Variants in CSMD3 observed in about 807,000 individuals in gnomAD.
CSMD3 encodes the protein CUB and Sushi multiple domains 3.
Under a neutral mutation model 435.2 loss-of-function variants are expected in CSMD3, and 177 were observed. The observed-to-expected ratio is 0.41, with a 90% CI of 0.36 to 0.46. The LOEUF (loss-of-function observed/expected upper bound fraction) is 0.46, where lower values mean the gene tolerates loss of function less well. Ranked by LOEUF, CSMD3 falls within the 20% of genes least tolerant of loss-of-function variation. CSMD3 has a pLI of 0.34. For synonymous variants in CSMD3, 1,656 were observed against 1,520.5 expected (o/e 1.09, Z -2.07); for missense variants, 4,265 against 4,504.6 (o/e 0.95, Z 1.52).
intron 1 of CSMD3, among the ~76,000 whole-genome samples, chr8:113,422,654 A>G (rs2094614152): frequency 6.6e-6 from 1 of 152,118 alleles, no homozygotes; most frequent in Non-Finnish European, 1.5e-5. Context: ...GCTGGCTTGT[A>G]GATGTGAAAG....
chr8:112,695,734 C>A (rs566082265), intron 13 of CSMD3, among the ~76,000 whole-genome samples: 1 of 152,180 alleles, frequency 6.6e-6, no homozygotes, highest in African/African-American at 2.4e-5. Flanking sequence ...CTGGCCAGGG[C>A]AATCAGGCAG....
At chr8:112,408,234 G>C (rs577495667) in intron 34 of CSMD3, 84 bp downstream of exon 34, 19 of 928,674 alleles carry the variant, frequency 2.0e-5, no homozygotes, top group Non-Finnish European at 3.0e-5. Context: ...TTATCTAGAG[G>C]ATTTCATCAT....
Position 112,766,081 on chromosome 8 carries a change from T to C in CSMD3, c.1972+34081A>G, listed in dbSNP as rs555700344. 4.6e-5 allele frequency among the ~76,000 whole-genome samples: 7 copies of C among 151,808 alleles called. No individual in the cohort carries two copies. The East Asian group carries it at 7.8e-4, about 17-fold the overall frequency. On this transcript the variant is annotated intron_variant, in intron 13 of 70. Coordinates refer to ENST00000297405, the MANE Select transcript of CSMD3 (RefSeq NM_198123.2). ...GAAAAAATTTCTACAGGATCAATGA[T>C]TGTATTGAAGAAAAGGTCTCACTTC...
chr8:112,428,293 G>A (rs1035095660), intron 32 of CSMD3, among the ~76,000 whole-genome samples: 4 of 151,998 alleles, frequency 2.6e-5, no homozygotes, highest in African/African-American at 9.7e-5. Flanking sequence ...GTATACAAAT[G>A]TAAGTACAAA....
At chr8:112,465,722 C>T (rs572165948) in intron 32 of CSMD3, among the ~76,000 whole-genome samples, 20 of 152,094 alleles carry the variant, frequency 1.3e-4, no homozygotes, top group South Asian at 2.1e-4. Flanking sequence ...CACATGTAAT[C>T]CCAGCATGTT....
intron 36 of CSMD3, among the ~76,000 whole-genome samples, chr8:112,389,705 G>T (rs1440477367): frequency 6.6e-6 from 1 of 151,964 alleles, no homozygotes; most frequent in Non-Finnish European, 1.5e-5. Flanking sequence ...ACTCTTATAT[G>T]TCTCAAGTTT....
chr8:112,281,121 T>C, intron 59 of CSMD3, 53 bp downstream of exon 59: 1 of 1,295,222 alleles, frequency 7.7e-7, no homozygotes, highest in Non-Finnish European at 1.1e-6. Context: ...ACTTATATAC[T>C]CATCAATACT....
intron 13 of CSMD3, among the ~76,000 whole-genome samples, chr8:112,755,217 G>T (rs531695160): frequency 2.0e-5 from 3 of 152,092 alleles, no homozygotes; most frequent in African/African-American, 4.8e-5. Flanking sequence ...TGCAGTCCCA[G>T]CTACTCGGGA....
intron 1 of CSMD3, among the ~76,000 whole-genome samples, chr8:113,398,770 A>T (rs75132729): frequency 0.018 from 2,794 of 152,132 alleles, 101 homozygotes; most frequent in African/African-American, 0.062. Context: ...GGAATATAGA[A>T]CTCACTATTT....
chr8:112,270,361 T>TGTGTGTTAGGGGTGA (rs1817385368), intron 59 of CSMD3, among the ~76,000 whole-genome samples: 1 of 135,630 alleles, frequency 7.4e-6, no homozygotes, highest in South Asian at 2.2e-4. Flanking sequence ...TGTGTGTGTG[T>TGTGTGTTAGGGGTGA]GTGTGTGTGT....
At chr8:112,230,041 T>C (rs866462295) in intron 69 of CSMD3, among the ~76,000 whole-genome samples, 8 of 152,160 alleles carry the variant, frequency 5.3e-5, no homozygotes, top group South Asian at 4.1e-4. Context: ...GTATTCTACT[T>C]GAAGCTCAGT....
At position 112,234,447 on chromosome 8, in the gene CSMD3, A is replaced by C. The variant is rs758547740; in HGVS notation, c.10658T>G (p.Met3553Arg). 3 of 1,613,196 alleles carry C rather than the reference A, an allele frequency of 1.9e-6. No homozygotes were observed. The highest frequency in any genetic ancestry group is 2.2e-5 in the East Asian group (1 of 44,768). The change falls in exon 68 of 71, where the codon ATG becomes AGG. Residue 3553 changes from methionine (M) to arginine (R), a missense_variant. By Grantham distance (91) the Met-to-Arg change is moderately conservative. This residue lies in a region of CSMD3 where 3,255 missense variants were observed against 3,380.2 expected (regional missense o/e 0.96). Transcript: ENST00000297405. Reference protein sequence around the residue: ...GVYKSQEARLMLRIYLIKVPA... With the variant: ...GVYKSQEARLRLRIYLIKVPA... Reference sequence around the variant, plus strand: ...TACTTTAATAAGATATATGCGTAACATTAGGCGAGCTTCCTGGCTTTTATA... The same window carrying C: ...TACTTTAATAAGATATATGCGTAACCTTAGGCGAGCTTCCTGGCTTTTATA...
At chr8:112,976,281 A>C in intron 6 of CSMD3, 133 bp from the exon 7 acceptor site, 1 of 1,018,504 alleles carries the variant, frequency 9.8e-7, no homozygotes, top group Non-Finnish European at 1.5e-6. Context: ...AAACACAAAC[A>C]CGCGAGTAAA....
chr8:113,201,050 C>A (rs74384184), intron 3 of CSMD3, among the ~76,000 whole-genome samples: 1 of 151,760 alleles, frequency 6.6e-6, no homozygotes, highest in African/African-American at 2.4e-5. Context: ...CTCTCAGAAC[C>A]CTTTGTAGAG....
chr8:112,714,371 G>A (rs997168683), intron 13 of CSMD3, among the ~76,000 whole-genome samples: 2 of 152,064 alleles, frequency 1.3e-5, no homozygotes, highest in African/African-American at 4.8e-5. Flanking sequence ...AATATGAAGA[G>A]CTAACTATTC....
chr8:112,763,415 C>T (rs1002659794), intron 13 of CSMD3, among the ~76,000 whole-genome samples: 1 of 150,806 alleles, frequency 6.6e-6, no homozygotes, highest in African/African-American at 2.4e-5. Context: ...GTAAATGCTT[C>T]TACTTTTTAA....
chr8:112,949,599 T>G (rs1158306830), intron 8 of CSMD3, among the ~76,000 whole-genome samples: 1 of 152,066 alleles, frequency 6.6e-6, no homozygotes, highest in Admixed American at 6.6e-5. Flanking sequence ...TACCAAACTT[T>G]CCATTGTCAT....
At chr8:112,538,252 A>G (rs564304741) in intron 27 of CSMD3, among the ~76,000 whole-genome samples, 3 of 152,210 alleles carry the variant, frequency 2.0e-5, no homozygotes, top group African/African-American at 7.2e-5. Context: ...CTAAACAGGG[A>G]AATGTCGACA....
At chr8:113,268,689 T>C (rs1009380477) in intron 3 of CSMD3, among the ~76,000 whole-genome samples, 1 of 152,008 alleles carries the variant, frequency 6.6e-6, no homozygotes, top group African/African-American at 2.4e-5. Context: ...TAAAATACAC[T>C]TTGAAAATGG....
Sources: allele counts gnomAD v4.1 joint callset (sites outside exome capture counted in the v4.1 genomes callset), GRCh38; gene constraint gnomAD v4.1.1; regional missense constraint gnomAD v4.1.1; transcripts MANE v1.5; gene names NCBI Gene and HGNC (gene_info 2026-07-23, HGNC 2026-07-21).